The following CACNA2D1 variants were observed in gnomAD, a reference collection of about 807,000 sequenced individuals.
CACNA2D1 encodes calcium voltage-gated channel auxiliary subunit alpha2delta 1.
In CACNA2D1, 53 loss-of-function variants were observed where a neutral mutation model predicts 171.5. That is an observed-to-expected ratio of 0.31 (90% CI 0.25 to 0.39). The LOEUF (loss-of-function observed/expected upper bound fraction) is 0.39, where lower values mean the gene tolerates loss of function less well. CACNA2D1 is among the 10% of genes least tolerant of loss of function. The pLI is 1.00. For synonymous variants in CACNA2D1, 442 were observed against 443.1 expected (o/e 1.00, Z 0.03); for missense variants, 903 against 1,299.8 (o/e 0.69, Z 4.69).
chr7:82,172,589 A>C (rs1796126712), intron 3 of CACNA2D1, among the ~76,000 whole-genome samples: 1 of 145,238 alleles, frequency 6.9e-6, no homozygotes, highest in South Asian at 2.2e-4. Context: ...AGTAGCTGGG[A>C]CTACAGGTTT....
At chr7:82,382,584 C>T (rs551643276) in intron 1 of CACNA2D1, among the ~76,000 whole-genome samples, 1 of 152,066 alleles carries the variant, frequency 6.6e-6, no homozygotes, top group African/African-American at 2.4e-5. Context: ...GGGCAGTGGG[C>T]GGGATGGCAG....
chr7:82,022,655 T>A (rs760331239), intron 12 of CACNA2D1, among the ~76,000 whole-genome samples: 59 of 152,076 alleles, frequency 3.9e-4, no homozygotes, highest in Non-Finnish European at 7.5e-4. Flanking sequence ...ATAAAACACA[T>A]CTGCATATTC....
Position 82,186,501 on chromosome 7 carries a change from T to C in CACNA2D1, c.295-15892A>G, listed in dbSNP as rs181522816. On this transcript the variant is annotated intron_variant, in intron 3 of 38. Coordinates refer to ENST00000356860, the MANE Select transcript of CACNA2D1 (RefSeq NM_000722.4). ...AGAGCAAAGTTAAGGTTGCAGGGTA[T>C]TTACTTCCTGCCATTGGCATTATGG... Among the ~76,000 whole-genome samples, 405 of 152,296 alleles carry C rather than the reference T, an allele frequency of 2.7e-3. 2 individuals carry two copies. Among genetic ancestry groups the C allele is most frequent in the Middle Eastern group, 0.014 (4 of 294 alleles).
At chr7:82,199,827 C>T (rs528914550) in intron 3 of CACNA2D1, among the ~76,000 whole-genome samples, 3 of 152,080 alleles carry the variant, frequency 2.0e-5, no homozygotes, top group African/African-American at 7.2e-5. Flanking sequence ...CATGAAGGTA[C>T]ATCATTACGA....
chr7:82,060,214 ATATAT>A lies in CACNA2D1; in HGVS notation c.879+209_879+213del, dbSNP rs1806636877. On this transcript the variant is annotated intron_variant, in intron 10 of 38. Transcript: ENST00000356860. ...ATTATATATATATTATATATATAAT[ATATAT>A]ATAATATATATATATAATATGTATA... Among the ~76,000 whole-genome samples the A allele has an allele frequency of 8.6e-5, 3 of 34,874 alleles. 1 individual carries two copies. The highest frequency in any genetic ancestry group is 1.0e-3 in the South Asian group (1 of 976). 22.9% of individuals were successfully genotyped at this position (34,874 alleles called of 152,430 possible). A position where few individuals can be genotyped will look rare whatever the true frequency, so the allele number is the denominator to read the frequency against.
At chr7:82,221,237 A>T (rs1273665370) in intron 3 of CACNA2D1, among the ~76,000 whole-genome samples, 1 of 152,198 alleles carries the variant, frequency 6.6e-6, no homozygotes, top group African/African-American at 2.4e-5. Context: ...CGATCCACTG[A>T]AAGGGTTTTG....
intron 5 of CACNA2D1, among the ~76,000 whole-genome samples, chr7:82,134,687 AT>A (rs1210499720): frequency 1.3e-5 from 2 of 152,124 alleles, no homozygotes; most frequent in Non-Finnish European, 2.9e-5. Flanking sequence ...AGTAGATACT[AT>A]TTTTTTAGAT....
chr7:82,024,268 C>A (rs139995111), intron 12 of CACNA2D1, among the ~76,000 whole-genome samples: 1 of 151,588 alleles, frequency 6.6e-6, no homozygotes, highest in African/African-American at 2.4e-5. Context: ...GCCTTCTCAT[C>A]AACATTGTGC....
intron 9 of CACNA2D1, among the ~76,000 whole-genome samples, chr7:82,062,938 GAT>G (rs1454467246): frequency 2.6e-5 from 4 of 151,686 alleles, no homozygotes; most frequent in Admixed American, 2.6e-4. Flanking sequence ...GTAGAAATGA[GAT>G]ATTGCTTTGT....
intron 5 of CACNA2D1, among the ~76,000 whole-genome samples, chr7:82,118,549 A>G (rs1789344699): frequency 6.6e-6 from 1 of 152,148 alleles, no homozygotes; most frequent in East Asian, 1.9e-4. Context: ...TGGTTTTTCC[A>G]ATAATACAAT....
intron 17 of CACNA2D1, 84 bp from the exon 18 acceptor site, chr7:82,005,581 A>G: frequency 1.1e-6 from 1 of 932,376 alleles, no homozygotes. Context: ...TAATGTATTA[A>G]ATACACATTG....
rs75602925 is a variant in CACNA2D1 at position 82,287,268 on chromosome 7, T to C, written c.294+47867A>G. ...TTGGCTTCTTCTTTTCTTTCTTTTT[T>C]TTTTTAATACACTAGAGTCCCTTGT... On this transcript the variant is annotated intron_variant, in intron 3 of 38. Coordinates refer to ENST00000356860, the MANE Select transcript of CACNA2D1 (RefSeq NM_000722.4). 8.6e-4 allele frequency among the ~76,000 whole-genome samples: 130 copies of C among 152,018 alleles called. 2 individuals carry two copies. The East Asian group carries it at 0.022, about 26-fold the overall frequency.
intron 3 of CACNA2D1, among the ~76,000 whole-genome samples, chr7:82,248,121 A>G (rs1189160636): frequency 3.9e-5 from 6 of 152,234 alleles, no homozygotes; most frequent in Non-Finnish European, 7.3e-5. Flanking sequence ...AAGTTGCCAT[A>G]GGTCACAACT....
At chr7:82,137,134 C>T (rs1458604814) in intron 4 of CACNA2D1, among the ~76,000 whole-genome samples, 1 of 152,090 alleles carries the variant, frequency 6.6e-6, no homozygotes, top group Non-Finnish European at 1.5e-5. Context: ...GAAATTTACT[C>T]ATGGAGTCAG....
chr7:82,183,234 A>G (rs953795025), intron 3 of CACNA2D1, among the ~76,000 whole-genome samples: 8 of 152,094 alleles, frequency 5.3e-5, no homozygotes, highest in African/African-American at 1.9e-4. Flanking sequence ...AAGAGTTTTA[A>G]AACAGCCTGA....
intron 3 of CACNA2D1, among the ~76,000 whole-genome samples, chr7:82,191,063 G>A (rs909631300): frequency 1.7e-4 from 26 of 151,588 alleles, no homozygotes; most frequent in African/African-American, 5.8e-4. Context: ...ACTCAAGAAC[G>A]TCTATAATCT....
At chr7:82,166,416 C>T (rs1319787428) in intron 4 of CACNA2D1, among the ~76,000 whole-genome samples, 13 of 151,972 alleles carry the variant, frequency 8.6e-5, no homozygotes, top group Non-Finnish European at 1.9e-4. Context: ...TGCTAATAAG[C>T]CATACATAAA....
chr7:82,136,673 T>G lies in CACNA2D1; in HGVS notation c.358A>C (p.Asn120His). 1.3e-6 allele frequency: 2 copies of G among 1,581,908 alleles called. No homozygotes were observed. Among genetic ancestry groups the G allele is most frequent in the Non-Finnish European group, 8.6e-7 (1 of 1,162,034 alleles). ...AHQWREDFAS[N>H]EVVYYNAKDD... is the part of the protein sequence containing the mutation. Reference sequence around the variant, plus strand: ...TTTGCATTGTAGTAGACAACTTCATTGCTCTACAAAAAAAAAAGAACGCTT... The same window carrying G: ...TTTGCATTGTAGTAGACAACTTCATGGCTCTACAAAAAAAAAAGAACGCTT... Residue 120 changes from asparagine (N) to histidine (H), a missense_variant, in exon 5 of 39, where the codon AAT (asparagine) becomes CAT (histidine). Around this residue, in one of 5 missense-constraint regions of CACNA2D1, gnomAD observed 189 missense variants for 266.8 expected, o/e 0.71. Transcript: ENST00000356860.
At chr7:82,311,250 G>A (rs988555765) in intron 3 of CACNA2D1, among the ~76,000 whole-genome samples, 1 of 151,678 alleles carries the variant, frequency 6.6e-6, no homozygotes, top group African/African-American at 2.4e-5. Context: ...ATCCTAAAAT[G>A]GTATGTCTTC....
Sources: allele counts gnomAD v4.1 joint callset (sites outside exome capture counted in the v4.1 genomes callset), GRCh38; gene constraint gnomAD v4.1.1; regional missense constraint gnomAD v4.1.1; transcripts MANE v1.5; gene names NCBI Gene and HGNC (gene_info 2026-07-23, HGNC 2026-07-21).